ANXA8: variants seen among roughly 807,000 people sequenced by gnomAD.
ANXA8 encodes the protein VAC-beta.
In ANXA8, 9 loss-of-function variants were observed where a neutral mutation model predicts 26.8. That is an observed-to-expected ratio of 0.34 (90% CI 0.20 to 0.59). The LOEUF (loss-of-function observed/expected upper bound fraction) is 0.59, where lower values mean the gene tolerates loss of function less well. Among genes scored for constraint, ANXA8 ranks in the 20% least tolerant of loss-of-function variants. The pLI, the probability that ANXA8 is intolerant of heterozygous loss-of-function variation, is 0.84. For synonymous variants in ANXA8, 39 were observed against 94.8 expected (o/e 0.41, Z 3.42); for missense variants, 83 against 238.5 (o/e 0.35, Z 4.29).
the ANXA8 span, among the ~76,000 whole-genome samples, chr10:47,559,551 T>G: frequency 0.19 from 28,296 of 151,322 alleles, 2,885 homozygotes; most frequent in East Asian, 0.52. Context: ...CTTTTTCTGT[T>G]TGTGGGTACA....
At chr10:47,750,429 TTTTA>T in the ANXA8 span, among the ~76,000 whole-genome samples, 18 of 115,900 alleles carry the variant, frequency 1.6e-4, no homozygotes, top group African/African-American at 4.5e-4. Context: ...TTGATCTAAA[TTTTA>T]TTTATTTATT....
At chr10:47,579,224 T>C in the ANXA8 span, among the ~76,000 whole-genome samples, 1 of 76,376 alleles carries the variant, frequency 1.3e-5, no homozygotes, top group South Asian at 5.4e-4. Context: ...ACTACAACCT[T>C]GACCTCCGCA....
the ANXA8 span, among the ~76,000 whole-genome samples, chr10:47,736,916 A>G: frequency 6.6e-6 from 1 of 151,690 alleles, no homozygotes; most frequent in Non-Finnish European, 1.5e-5. Context: ...CAGCCTCCCA[A>G]AGTACTGAGA....
chr10:47,954,738 A>G, the ANXA8 span, among the ~76,000 whole-genome samples: 1 of 150,948 alleles, frequency 6.6e-6, no homozygotes, highest in African/African-American at 2.4e-5. Flanking sequence ...GTATTTATTT[A>G]TTCAAGAGGA....
At chr10:47,565,276 C>T in the ANXA8 span, 7 of 547,682 alleles carry the variant, frequency 1.3e-5, no homozygotes, top group African/African-American at 2.5e-5. Context: ...CCTCAGAGAC[C>T]GCTGCCACCA....
At chr10:47,591,453 T>TG in the ANXA8 span, among the ~76,000 whole-genome samples, 3 of 89,434 alleles carry the variant, frequency 3.4e-5, no homozygotes, top group African/African-American at 1.7e-4. Flanking sequence ...TTTTTTTTTT[T>TG]TTTTTTTTGA....
At chr10:47,690,095 C>T in the ANXA8 span, 56 of 1,102,808 alleles carry the variant, frequency 5.1e-5, no homozygotes, top group South Asian at 1.6e-4. Context: ...AGCACAGTTC[C>T]GCATTTAACC....
chr10:47,498,432 G>A, the ANXA8 span, among the ~76,000 whole-genome samples: 11 of 142,052 alleles, frequency 7.7e-5, 1 homozygote, highest in African/African-American at 1.8e-4. Context: ...ATCTTTTGAC[G>A]AGTGTGAATA....
chr10:47,655,519 A>G, the ANXA8 span, among the ~76,000 whole-genome samples: 1 of 150,932 alleles, frequency 6.6e-6, no homozygotes, highest in Admixed American at 6.6e-5. Context: ...CATTGAGTCT[A>G]GGCTGAATAG....
chr10:47,590,734 C>T, the ANXA8 span, among the ~76,000 whole-genome samples: 1 of 144,930 alleles, frequency 6.9e-6, no homozygotes. Flanking sequence ...GGAGCATTTC[C>T]TTTCTAGACA....
At chr10:47,684,198 G>A in the ANXA8 span, among the ~76,000 whole-genome samples, 5 of 152,146 alleles carry the variant, frequency 3.3e-5, no homozygotes, top group Admixed American at 1.3e-4. Context: ...ACATATCCTA[G>A]AATTATTGAA....
chr10:47,587,241 G>C, the ANXA8 span, among the ~76,000 whole-genome samples: 16 of 148,880 alleles, frequency 1.1e-4, no homozygotes, highest in Middle Eastern at 6.9e-3. Flanking sequence ...AAATGGATTA[G>C]CTTGCTGACA....
chr10:47,667,578 A>G, the ANXA8 span, among the ~76,000 whole-genome samples: 1 of 151,880 alleles, frequency 6.6e-6, no homozygotes, highest in African/African-American at 2.4e-5. Context: ...TTGAGACAGA[A>G]TCCCACTCTC....
At chr10:47,711,111 T>G in the ANXA8 span, among the ~76,000 whole-genome samples, 1 of 148,372 alleles carries the variant, frequency 6.7e-6, no homozygotes, top group Admixed American at 6.6e-5. Context: ...GGAGTTACCT[T>G]AACTCTTTCA....
At chr10:47,679,322 A>G in the ANXA8 span, among the ~76,000 whole-genome samples, 1 of 152,302 alleles carries the variant, frequency 6.6e-6, no homozygotes, top group South Asian at 2.1e-4. Context: ...CTAGGTATGT[A>G]ATAATAAAAT....
At chr10:47,672,725 A>G in the ANXA8 span, among the ~76,000 whole-genome samples, 1 of 151,880 alleles carries the variant, frequency 6.6e-6, no homozygotes, top group Admixed American at 6.6e-5. Context: ...AATACGGGAA[A>G]CTGCTTTGAA....
At chr10:47,968,734 T>C in the ANXA8 span, among the ~76,000 whole-genome samples, 1 of 151,212 alleles carries the variant, frequency 6.6e-6, no homozygotes, top group Non-Finnish European at 1.5e-5. Flanking sequence ...AACGGAGTCA[T>C]GGTCATCAAA....
At chr10:47,977,777 G>C in the ANXA8 span, among the ~76,000 whole-genome samples, 1 of 151,488 alleles carries the variant, frequency 6.6e-6, no homozygotes, top group African/African-American at 2.4e-5. Flanking sequence ...ACAATCCAGG[G>C]AACAGAAAGT....
chr10:47,508,513 CA>C, the ANXA8 span, among the ~76,000 whole-genome samples: 21 of 112,842 alleles, frequency 1.9e-4, 1 homozygote, highest in African/African-American at 7.0e-4. Flanking sequence ...AAGGTCCCAC[CA>C]AATAGGAGCA....
Sources: gnomAD v4.1 joint callset for allele counts (sites outside exome capture counted in the v4.1 genomes callset) on GRCh38, gnomAD v4.1.1 for gene constraint, MANE v1.5 for transcripts, NCBI Gene and HGNC (gene_info 2026-07-23, HGNC 2026-07-21) for gene names.